UTP20: variants seen among roughly 807,000 people sequenced by gnomAD.
UTP20 encodes small subunit processome component 20 homolog.
In UTP20, 164 loss-of-function variants were observed where a neutral mutation model predicts 329.5. The ratio of observed to expected loss-of-function variants is 0.50; its 90% CI spans 0.44 to 0.57. The LOEUF (loss-of-function observed/expected upper bound fraction) is 0.57, where lower values mean the gene tolerates loss of function less well. Ranked by LOEUF, UTP20 falls within the 20% of genes least tolerant of loss-of-function variation. The probability of loss-of-function intolerance (pLI) is 0.00; values close to 1 mark genes in which losing one functional copy is unlikely to be tolerated. For missense variants in UTP20, 3,055 were observed against 3,284.2 expected, an observed-to-expected ratio of 0.93 and a Z score of 1.71; for synonymous variants, 1,151 against 1,159.3, an observed-to-expected ratio of 0.99 and a Z score of 0.14.
At position 101,383,674 on chromosome 12, in the gene UTP20, CCCTG is replaced by C; in HGVS notation, c.8056+9_8056+12del. The C allele has an allele frequency of 6.3e-7, 1 of 1,587,712 alleles. No individual in the cohort carries two copies. Among genetic ancestry groups the C allele is most frequent in the Non-Finnish European group, 8.6e-7 (1 of 1,164,760 alleles). Reference sequence around the variant, plus strand: ...ACAGCACCTATTCAGAGCAAGGTAACCCTGCCTCGTCTGTTCTCCTGCCTTTTGC... The same window carrying C: ...ACAGCACCTATTCAGAGCAAGGTAACCCTCGTCTGTTCTCCTGCCTTTTGC... On this transcript the variant is annotated splice_donor_region_variant and intron_variant, in intron 60 of 61. Transcript: ENST00000261637.
At chr12:101,377,343 T>G (rs1870507723) in intron 56 of UTP20, among the ~76,000 whole-genome samples, 1 of 152,196 alleles carries the variant, frequency 6.6e-6, no homozygotes, top group Non-Finnish European at 1.5e-5. Context: ...ATAAAACTTT[T>G]TTTTTTGAGA....
At chr12:101,338,625 T>G (rs1869014769) in intron 30 of UTP20, among the ~76,000 whole-genome samples, 188 bp from the exon 31 acceptor site, 1 of 152,228 alleles carries the variant, frequency 6.6e-6, no homozygotes, top group Non-Finnish European at 1.5e-5. Flanking sequence ...AGTTCTTGAT[T>G]TAGCTAGTAA....
intron 56 of UTP20, among the ~76,000 whole-genome samples, chr12:101,376,608 G>A (rs984871114): frequency 6.6e-6 from 1 of 151,960 alleles, no homozygotes. Flanking sequence ...TTAATGAGTA[G>A]TGCCAAACTG....
chr12:101,314,737 A>G (rs1872912440), intron 21 of UTP20, among the ~76,000 whole-genome samples: 1 of 152,068 alleles, frequency 6.6e-6, no homozygotes, highest in African/African-American at 2.4e-5. Context: ...GTAAAAAAGA[A>G]ACAGACATAG....
chr12:101,328,734 T>G (rs1868649120), intron 26 of UTP20, among the ~76,000 whole-genome samples: 1 of 152,010 alleles, frequency 6.6e-6, no homozygotes. Context: ...CCAGGTGTGG[T>G]GGTGGGCACC....
intron 19 of UTP20, among the ~76,000 whole-genome samples, chr12:101,310,657 A>G (rs1872762851): frequency 6.6e-6 from 1 of 151,690 alleles, no homozygotes; most frequent in South Asian, 2.1e-4. Flanking sequence ...CAGATAATAC[A>G]CACTCACTTT....
intron 16 of UTP20, 42 bp from the exon 17 acceptor site, chr12:101,306,657 G>T: frequency 6.4e-7 from 1 of 1,556,082 alleles, no homozygotes; most frequent in South Asian, 1.2e-5. Context: ...TCTTTTTATG[G>T]TTAAACTTTG....
chr12:101,350,042 A>T (rs1254117830), intron 38 of UTP20, among the ~76,000 whole-genome samples: 2 of 152,146 alleles, frequency 1.3e-5, no homozygotes. Flanking sequence ...GTTCAATTTC[A>T]TCTTTTAAAA....
In UTP20 at chr12:101,321,405, C is replaced by A. The variant is rs1166129042; in HGVS notation, c.2916-99C>A. The A allele has an allele frequency of 7.9e-6, 12 of 1,512,180 alleles. No homozygotes were observed. The East Asian group carries it at 2.8e-4, about 35-fold the overall frequency. The allele number at this position is 1,512,180 out of a possible 1,614,324, so 93.7% of individuals were successfully genotyped here. ...TATCAACCATAATATGTACTATATACCTTATTTTAGTTATTACTCTGTGTA... is the reference window on the plus strand; with the variant it reads ...TATCAACCATAATATGTACTATATAACTTATTTTAGTTATTACTCTGTGTA... On this transcript the variant is annotated intron_variant, in intron 24 of 61. Transcript: ENST00000261637.
At chr12:101,324,217 C>CATTTATTTATTTATTTATTTATTT (rs200869541) in intron 25 of UTP20, among the ~76,000 whole-genome samples, 1 of 146,498 alleles carries the variant, frequency 6.8e-6, no homozygotes, top group East Asian at 2.0e-4. Context: ...TTGAGAGCCA[C>CATTTATTTATTTATTTATTTATTT]ATTTATTTAT....
At chr12:101,286,769 A>G (rs1336699969) in intron 5 of UTP20, among the ~76,000 whole-genome samples, 1 of 152,090 alleles carries the variant, frequency 6.6e-6, no homozygotes, top group Non-Finnish European at 1.5e-5. Flanking sequence ...CACCTTTGCC[A>G]GAAGTATTAA....
chr12:101,311,243 T>C (rs1872779876), intron 19 of UTP20, among the ~76,000 whole-genome samples: 1 of 148,864 alleles, frequency 6.7e-6, no homozygotes, highest in African/African-American at 2.5e-5. Flanking sequence ...CTTTATGTGA[T>C]CCATCTAATG....
Position 101,295,468 on chromosome 12 carries a change from TCTTAAC to T in UTP20, c.1252-11_1252-6del. 1 of 1,551,252 alleles carries T rather than the reference TCTTAAC, an allele frequency of 6.4e-7. No individual in the cohort carries two copies. On this transcript the variant is annotated splice_polypyrimidine_tract_variant and splice_region_variant and intron_variant, in intron 11 of 61. Coordinates refer to ENST00000261637, the MANE Select transcript of UTP20 (RefSeq NM_014503.3). ...CTGTTAATAAGTGTGATTTTTTTTT[TCTTAAC>T]TTTAGCTTTTTCTACCAAGCTTTCT...
At chr12:101,302,126 C>T (rs1175792726) in intron 14 of UTP20, among the ~76,000 whole-genome samples, 1 of 152,124 alleles carries the variant, frequency 6.6e-6, no homozygotes, top group Non-Finnish European at 1.5e-5. Flanking sequence ...GATGAAGTCT[C>T]ACTGTGTGGC....
At position 101,326,777 on chromosome 12, in the gene UTP20, C is replaced by T. The variant is rs536317538; in HGVS notation, c.3042-304C>T. 4 of 182,908 alleles carry T rather than the reference C, an allele frequency of 2.2e-5. No individual in the cohort carries two copies. In the East Asian group the frequency reaches 4.0e-4, roughly 18 times the overall value. 11.3% of individuals were successfully genotyped at this position (182,908 alleles called of 1,614,324 possible). ...GAATTTTTGAATTTTTTTATAGAGACGTGGTCTCACTAAGTTGCCCAGGCT... is the reference window on the plus strand; with the variant it reads ...GAATTTTTGAATTTTTTTATAGAGATGTGGTCTCACTAAGTTGCCCAGGCT... On this transcript the variant is annotated intron_variant, in intron 25 of 61. Coordinates refer to ENST00000261637, the MANE Select transcript of UTP20 (RefSeq NM_014503.3).
At chr12:101,321,034 A>G (rs1868359691) in intron 24 of UTP20, 97 bp downstream of exon 24, 2 of 1,113,162 alleles carry the variant, frequency 1.8e-6, no homozygotes, top group African/African-American at 1.6e-5. Context: ...AAAGGCCTAG[A>G]AAGTTTCCCT....
intron 52 of UTP20, 83 bp from the exon 53 acceptor site, chr12:101,373,318 C>T (rs1417124353): frequency 7.4e-7 from 1 of 1,352,264 alleles, no homozygotes. Context: ...AAACTGACAC[C>T]TTGATACAAT....
At position 101,373,404 on chromosome 12, in the gene UTP20, C is replaced by T. The variant is rs767216294; in HGVS notation, c.6882C>T (p.Tyr2294=). 4.8e-5 allele frequency: 78 copies of T among 1,613,724 alleles called. No homozygotes were observed. The highest frequency in any genetic ancestry group is 1.3e-4 in the Admixed American group (8 of 60,008). ...NLEFMLAQLN[Y]EHETGRESTL... ...CCACCTAATGTCCTTCCCCTAGTTA[C>T]GAACATGAGACCGGGAGAGAGTCCA... Residue 2294 remains tyrosine, a synonymous_variant, in exon 53 of 62, where the codon TAC becomes TAT. Coordinates refer to ENST00000261637, the MANE Select transcript of UTP20 (RefSeq NM_014503.3).
At chr12:101,327,004 C>T in intron 25 of UTP20, 77 bp from the exon 26 acceptor site, 1 of 1,440,088 alleles carries the variant, frequency 6.9e-7, no homozygotes, top group Non-Finnish European at 9.5e-7. Flanking sequence ...AGTTGCTCTT[C>T]TAGCCTTTTA....
Sources: gnomAD v4.1 joint callset for allele counts (sites outside exome capture counted in the v4.1 genomes callset) on GRCh38, gnomAD v4.1.1 for gene constraint, MANE v1.5 for transcripts, NCBI Gene and HGNC (gene_info 2026-07-23, HGNC 2026-07-21) for gene names.